NSMAF: variants seen among roughly 807,000 people sequenced by gnomAD.
NSMAF encodes the protein neutral sphingomyelinase activation associated factor.
Under a neutral mutation model 134.9 loss-of-function variants are expected in NSMAF, and 90 were observed. That is an observed-to-expected ratio of 0.67 (90% CI 0.56 to 0.79). The LOEUF (loss-of-function observed/expected upper bound fraction) is 0.79. Among genes scored for constraint, NSMAF ranks in the 30% least tolerant of loss-of-function variants. NSMAF has a pLI of 0.00. For synonymous variants in NSMAF, 358 were observed against 389.6 expected, an observed-to-expected ratio of 0.92 and a Z score of 0.96; for missense variants, 1,010 against 1,119.0, an observed-to-expected ratio of 0.90 and a Z score of 1.39.
At position 58,605,921 on chromosome 8, in the gene NSMAF, C is replaced by T; in HGVS notation, c.868+6G>A. ...AGAAAGAAACAATGAAGGGTGAGCG[C>T]CAAACCTAGGTATGTGGCAATGTAA... On this transcript the variant is annotated splice_donor_region_variant and intron_variant, in intron 12 of 30. Coordinates refer to ENST00000038176, the MANE Select transcript of NSMAF (RefSeq NM_003580.4). 6.5e-7 allele frequency: 1 copy of T among 1,549,598 alleles called. No individual in the cohort carries two copies. Among genetic ancestry groups the T allele is most frequent in the Non-Finnish European group, 8.6e-7 (1 of 1,156,872 alleles).
intron 25 of NSMAF, 95 bp from the exon 26 acceptor site, chr8:58,589,670 A>C: frequency 4.1e-6 from 5 of 1,213,862 alleles, no homozygotes; most frequent in Non-Finnish European, 5.7e-6. Flanking sequence ...TTCATTCTAT[A>C]CTTACTAAGG....
At chr8:58,659,108 A>C (rs1300335580) in intron 1 of NSMAF, 160 of 790,006 alleles carry the variant, frequency 2.0e-4, no homozygotes, top group East Asian at 7.5e-4. Flanking sequence ...CCGCCCGGCG[A>C]CCAACTCTGC....
At position 58,600,029 on chromosome 8, in the gene NSMAF, T is replaced by C. The variant is rs377255677; in HGVS notation, c.1281-8A>G. ...TTCCAAGTTTCTGCAATACTACATATGAAAAAAAAATTCACCTATTTTCAG... is the reference window on the plus strand; with the variant it reads ...TTCCAAGTTTCTGCAATACTACATACGAAAAAAAAATTCACCTATTTTCAG... On this transcript the variant is annotated splice_region_variant and splice_polypyrimidine_tract_variant and intron_variant, in intron 16 of 30. Transcript: ENST00000038176. 1.2e-5 allele frequency: 20 copies of C among 1,608,450 alleles called. No individual in the cohort carries two copies. The highest frequency in any genetic ancestry group is 3.3e-5 in the South Asian group (3 of 90,452).
chr8:58,615,588 C>A lies in NSMAF; in HGVS notation c.558-5855G>T, dbSNP rs532992587. Among the ~76,000 whole-genome samples, 7 of 152,040 alleles carry A rather than the reference C, an allele frequency of 4.6e-5. No individual in the cohort carries two copies. In the South Asian group the frequency reaches 1.2e-3, roughly 27 times the overall value. On this transcript the variant is annotated intron_variant, in intron 9 of 30. Coordinates refer to ENST00000038176, the MANE Select transcript of NSMAF (RefSeq NM_003580.4). ...AACATACTTCTAAATTACCTATGGG[C>A]CAAAGGAGAAATGATGAAGAAAATT...
intron 13 of NSMAF, among the ~76,000 whole-genome samples, chr8:58,602,759 G>A (rs1806314107): frequency 1.3e-5 from 2 of 152,108 alleles, no homozygotes; most frequent in African/African-American, 4.8e-5. Flanking sequence ...AGGTAAAGTG[G>A]TTATCTCTGT....
At chr8:58,616,208 T>C (rs1344233903) in intron 9 of NSMAF, among the ~76,000 whole-genome samples, 1 of 151,970 alleles carries the variant, frequency 6.6e-6, no homozygotes, top group Non-Finnish European at 1.5e-5. Flanking sequence ...AAGGAAGAAA[T>C]AACAACAATC....
chr8:58,591,204 T>C (rs1384667416), intron 23 of NSMAF, among the ~76,000 whole-genome samples: 1 of 152,154 alleles, frequency 6.6e-6, no homozygotes, highest in Non-Finnish European at 1.5e-5. Context: ...TCAGCATGAC[T>C]GCAGGCAGAA....
At chr8:58,659,098 C>T in intron 1 of NSMAF, 1 of 825,638 alleles carries the variant, frequency 1.2e-6, no homozygotes, top group Non-Finnish European at 1.6e-6. Context: ...CTGCTCGGTG[C>T]CGCCCGGCGA....
In NSMAF at chr8:58,597,417, T is replaced by C. The variant is rs987079430; in HGVS notation, c.1762A>G (p.Ser588Gly). The C allele has an allele frequency of 3.1e-6, 5 of 1,614,064 alleles. No homozygotes were observed. Among genetic ancestry groups the C allele is most frequent in the Non-Finnish European group, 4.2e-6 (5 of 1,180,014 alleles). Residue 588 changes from serine to glycine, a missense_variant, in exon 21 of 31, where the codon AGT becomes GGT. Transcript: ENST00000038176. Reference protein sequence around the residue: ...PKFKSLSQTSSYNASMADSPG... With the variant: ...PKFKSLSQTSGYNASMADSPG... ...GAATCTGCCATAGAAGCATTATAAC[T>C]GGAGGTCTGGGACAAACTTTTAAAC...
At chr8:58,640,489 G>A (rs1256457846) in intron 2 of NSMAF, among the ~76,000 whole-genome samples, 1 of 151,962 alleles carries the variant, frequency 6.6e-6, no homozygotes, top group Non-Finnish European at 1.5e-5. Flanking sequence ...ACATATACAT[G>A]CATGTATAAA....
At chr8:58,640,214 T>C (rs1221441714) in intron 2 of NSMAF, 1 of 339,578 alleles carries the variant, frequency 2.9e-6, no homozygotes, top group Non-Finnish European at 6.0e-6. Flanking sequence ...CAAAAGAAGG[T>C]AACTGTGAGG....
chr8:58,602,464 C>G (rs1460582935), intron 13 of NSMAF, among the ~76,000 whole-genome samples: 4 of 152,056 alleles, frequency 2.6e-5, no homozygotes, highest in Admixed American at 2.6e-4. Context: ...AGCCATTATT[C>G]TTCTACCAAG....
chr8:58,628,719 T>C (rs1757424719), intron 6 of NSMAF, among the ~76,000 whole-genome samples: 1 of 152,200 alleles, frequency 6.6e-6, no homozygotes, highest in African/African-American at 2.4e-5. Flanking sequence ...AAAGCAGATC[T>C]AATGGTGGTA....
At chr8:58,653,749 A>G (rs1194036284) in intron 1 of NSMAF, among the ~76,000 whole-genome samples, 1 of 152,202 alleles carries the variant, frequency 6.6e-6, no homozygotes, top group Non-Finnish European at 1.5e-5. Flanking sequence ...TGAAATGACA[A>G]TGGTATTTAG....
rs760846031 is a variant in NSMAF at position 58,635,464 on chromosome 8, T to G, written c.228+4A>C. The G allele has an allele frequency of 6.3e-7, 1 of 1,595,900 alleles. No individual in the cohort carries two copies. Among genetic ancestry groups the G allele is most frequent in the Admixed American group, 1.8e-5 (1 of 56,698 alleles). On this transcript the variant is annotated splice_donor_region_variant and intron_variant, in intron 3 of 30. Transcript: ENST00000038176. Reference sequence around the variant, plus strand: ...GTTTCTGTTCATATTTAAAATGTATTTACCTTGATGATGGGCTGGGATATT... The same window carrying G: ...GTTTCTGTTCATATTTAAAATGTATGTACCTTGATGATGGGCTGGGATATT...
At chr8:58,645,831 A>T (rs1807438050) in intron 1 of NSMAF, among the ~76,000 whole-genome samples, 2 of 152,136 alleles carry the variant, frequency 1.3e-5, no homozygotes, top group Admixed American at 1.3e-4. Flanking sequence ...GCCTGAGGTC[A>T]GGAGTTCGAG....
chr8:58,585,864 A>T lies in NSMAF; in HGVS notation c.2549+34T>A, dbSNP rs952257171. ...TGAAGTGATCATGAACATGTCTGTA[A>T]ATGTCTTCGCCCCCAGTAACTCACA... On this transcript the variant is annotated intron_variant, in intron 29 of 30. Coordinates refer to ENST00000038176, the MANE Select transcript of NSMAF (RefSeq NM_003580.4). 5 of 1,592,304 alleles carry T rather than the reference A, an allele frequency of 3.1e-6. No individual in the cohort carries two copies. The African/African-American group carries it at 6.7e-5, about 21-fold the overall frequency.
intron 1 of NSMAF, among the ~76,000 whole-genome samples, chr8:58,649,700 A>G (rs114418587): frequency 0.027 from 4,079 of 152,218 alleles, 199 homozygotes; most frequent in African/African-American, 0.092. Context: ...AAAAGAGTCC[A>G]GAGCCTCCTC....
intron 1 of NSMAF, among the ~76,000 whole-genome samples, chr8:58,658,959 C>A (rs868736320): frequency 5.9e-5 from 9 of 152,200 alleles, no homozygotes; most frequent in Admixed American, 1.3e-4. Context: ...GGAGGCAGGA[C>A]CTTGGCTTTC....
Sources: allele counts gnomAD v4.1 joint callset (sites outside exome capture counted in the v4.1 genomes callset), GRCh38; gene constraint gnomAD v4.1.1; transcripts MANE v1.5; gene names NCBI Gene and HGNC (gene_info 2026-07-23, HGNC 2026-07-21).